The following BRINP3 variants were observed in gnomAD, a reference collection of about 807,000 sequenced individuals.
The protein encoded by BRINP3 is BMP/retinoic acid-inducible neural-specific protein 3.
A neutral mutation model predicts 71.0 loss-of-function variants in BRINP3; 19 were observed. The ratio of observed to expected loss-of-function variants is 0.27; its 90% CI spans 0.19 to 0.39. The LOEUF is 0.39. BRINP3 is among the 10% of genes least tolerant of loss of function. The pLI is 1.00. For missense variants in BRINP3, 959 were observed against 940.8 expected (o/e 1.02, Z -0.25); for synonymous variants, 380 against 337.7 (o/e 1.13, Z -1.37).
intron 2 of BRINP3, among the ~76,000 whole-genome samples, chr1:190,346,523 G>T (rs1668032015): frequency 1.3e-5 from 2 of 151,988 alleles, no homozygotes; most frequent in Admixed American, 1.3e-4. Flanking sequence ...GAGTGTTCCT[G>T]TGCTTATTCC....
At chr1:190,210,761 G>C (rs1466249524) in intron 6 of BRINP3, among the ~76,000 whole-genome samples, 1 of 152,100 alleles carries the variant, frequency 6.6e-6, no homozygotes, top group African/African-American at 2.4e-5. Flanking sequence ...ATGTCTGTGA[G>C]AGTGTTGCCA....
intron 4 of BRINP3, among the ~76,000 whole-genome samples, chr1:190,255,813 C>A (rs1279268485): frequency 1.3e-5 from 2 of 151,972 alleles, no homozygotes; most frequent in Non-Finnish European, 2.9e-5. Context: ...TATTTCTTGT[C>A]TTCTGCTAGC....
At chr1:190,476,426 C>A (rs1677508912) in intron 1 of BRINP3, among the ~76,000 whole-genome samples, 1 of 151,992 alleles carries the variant, frequency 6.6e-6, no homozygotes, top group South Asian at 2.1e-4. Flanking sequence ...GCAGGTTTGG[C>A]ATTTAATGAA....
intron 7 of BRINP3, among the ~76,000 whole-genome samples, chr1:190,149,564 G>A (rs752661756): frequency 1.1e-4 from 16 of 151,828 alleles, no homozygotes; most frequent in Admixed American, 4.0e-4. Flanking sequence ...GAGCATGTAC[G>A]TTTTTGTATA....
chr1:190,344,719 A>G (rs1667898550), intron 2 of BRINP3, among the ~76,000 whole-genome samples: 3 of 151,870 alleles, frequency 2.0e-5, no homozygotes, highest in African/African-American at 7.2e-5. Context: ...CTTAGCTAGG[A>G]GGTAGTTGAA....
intron 6 of BRINP3, among the ~76,000 whole-genome samples, chr1:190,212,057 G>A (rs780206400): frequency 1.1e-4 from 16 of 151,974 alleles, no homozygotes; most frequent in Non-Finnish European, 2.2e-4. Context: ...AAACCATAAC[G>A]ATATCATGTA....
Position 190,106,244 on chromosome 1 carries a change from T to C in BRINP3, c.1185-7110A>G, listed in dbSNP as rs191660486. 5.1e-3 allele frequency among the ~76,000 whole-genome samples: 775 copies of C among 151,866 alleles called. 4 individuals are homozygous for C. The highest frequency in any genetic ancestry group is 0.013 in the Admixed American group (205 of 15,234). On this transcript the variant is annotated intron_variant, in intron 7 of 7. Coordinates refer to ENST00000367462, the MANE Select transcript of BRINP3 (RefSeq NM_199051.3). ...GCTACATAATTTGTATTCTGTGAGA[T>C]AAAACAATTATATACATACACATAT...
intron 2 of BRINP3, among the ~76,000 whole-genome samples, chr1:190,285,548 G>T (rs867225019): frequency 1.3e-5 from 2 of 152,122 alleles, no homozygotes; most frequent in African/African-American, 4.8e-5. Context: ...GCAGTGAACC[G>T]AGATCATGCC....
chr1:190,432,433 G>C (rs1674160980), intron 2 of BRINP3, among the ~76,000 whole-genome samples: 1 of 152,038 alleles, frequency 6.6e-6, no homozygotes, highest in African/African-American at 2.4e-5. Flanking sequence ...GATATTCAGA[G>C]GCCATATCAC....
intron 2 of BRINP3, among the ~76,000 whole-genome samples, chr1:190,378,756 TC>T (rs1469078377): frequency 2.0e-5 from 3 of 152,050 alleles, no homozygotes; most frequent in African/African-American, 7.2e-5. Context: ...AGAATAATGG[TC>T]CCCTCCAATG....
At chr1:190,169,698 T>C (rs1203744976) in intron 6 of BRINP3, among the ~76,000 whole-genome samples, 1 of 152,188 alleles carries the variant, frequency 6.6e-6, no homozygotes, top group Non-Finnish European at 1.5e-5. Context: ...ATAATAATTA[T>C]TACTGTTATA....
intron 2 of BRINP3, among the ~76,000 whole-genome samples, chr1:190,308,232 C>G (rs529822364): frequency 6.7e-6 from 1 of 149,748 alleles, no homozygotes; most frequent in African/African-American, 2.5e-5. Context: ...TAACGGCAAC[C>G]TAAACATAAT....
chr1:190,332,865 G>A (rs1012947770), intron 2 of BRINP3, among the ~76,000 whole-genome samples: 1 of 151,808 alleles, frequency 6.6e-6, no homozygotes, highest in Admixed American at 6.6e-5. Context: ...TTATCAATCC[G>A]GGTGTGTTTC....
chr1:190,374,130 C>G (rs1670038941), intron 2 of BRINP3, among the ~76,000 whole-genome samples: 1 of 151,924 alleles, frequency 6.6e-6, no homozygotes, highest in South Asian at 2.1e-4. Flanking sequence ...AGATTATAAT[C>G]TATGTGAGAT....
chr1:190,251,979 T>C (rs145388544), intron 4 of BRINP3, among the ~76,000 whole-genome samples: 2,365 of 152,024 alleles, frequency 0.016, 18 homozygotes, highest in Admixed American at 0.026. Context: ...CATTGAGTTC[T>C]TATTCATTCA....
Position 190,269,335 on chromosome 1 carries a change from T to C in BRINP3, c.428-4280A>G, listed in dbSNP as rs140219098. ...TAATGAAATGAAACCATTTGAGTACTAGAGGAAAGTTCATGAAAATACAAA... is the reference window on the plus strand; with the variant it reads ...TAATGAAATGAAACCATTTGAGTACCAGAGGAAAGTTCATGAAAATACAAA... On this transcript the variant is annotated intron_variant, in intron 3 of 7. Transcript: ENST00000367462. Among the ~76,000 whole-genome samples the C allele has an allele frequency of 5.7e-4, 87 of 152,196 alleles. 1 individual carries two copies. The East Asian group carries it at 0.015, about 26-fold the overall frequency.
At chr1:190,224,125 T>C (rs766208729) in intron 6 of BRINP3, among the ~76,000 whole-genome samples, 13 of 149,916 alleles carry the variant, frequency 8.7e-5, no homozygotes, top group Non-Finnish European at 1.9e-4. Flanking sequence ...TTCACAGAAA[T>C]AGAAAAAAAA....
intron 7 of BRINP3, 71 bp from the exon 8 acceptor site, chr1:190,099,205 C>T: frequency 7.0e-7 from 1 of 1,436,748 alleles, no homozygotes; most frequent in Non-Finnish European, 9.4e-7. Flanking sequence ...AACCGTAGCT[C>T]AGAAATCTTT....
intron 2 of BRINP3, among the ~76,000 whole-genome samples, chr1:190,303,408 T>C (rs936958621): frequency 7.9e-5 from 12 of 151,600 alleles, no homozygotes; most frequent in African/African-American, 2.7e-4. Context: ...AAATAGGCAA[T>C]ACAGAAGTAA....
Sources: allele counts gnomAD v4.1 joint callset (sites outside exome capture counted in the v4.1 genomes callset), GRCh38; gene constraint gnomAD v4.1.1; transcripts MANE v1.5; gene names NCBI Gene and HGNC (gene_info 2026-07-23, HGNC 2026-07-21).